MYOM1: variants seen among roughly 807,000 people sequenced by gnomAD.
The protein encoded by MYOM1 is myomesin-1.
Under a neutral mutation model 205.3 loss-of-function variants are expected in MYOM1, and 164 were observed. That is an observed-to-expected ratio of 0.80 (90% confidence interval 0.70 to 0.91). The LOEUF (loss-of-function observed/expected upper bound fraction) is 0.91. MYOM1 is among the 40% of genes least tolerant of loss of function. MYOM1 has a pLI of 0.00. For synonymous variants in MYOM1, 772 were observed against 789.4 expected, an observed-to-expected ratio of 0.98 and a Z score of 0.37; for missense variants, 2,011 against 2,127.3, an observed-to-expected ratio of 0.95 and a Z score of 1.08.
chr18:3,075,260 T>C (rs576373728), intron 36 of MYOM1, among the ~76,000 whole-genome samples, 194 bp downstream of exon 36: 1 of 152,312 alleles, frequency 6.6e-6, no homozygotes, highest in African/African-American at 2.4e-5. Flanking sequence ...CTTTACAATG[T>C]AACCTGAGAC....
chr18:3,085,019 CAGACCCCAGCAGTTGG>C lies in MYOM1; in HGVS notation c.4339+10_4339+25del. ...AAGCTGTATGCAGAAACACACAAGACAGACCCCAGCAGTTGGTGGACTGACCTTCATCCACAAGCTT... is the reference window on the plus strand; with the variant it reads ...AAGCTGTATGCAGAAACACACAAGACTGGACTGACCTTCATCCACAAGCTT... On this transcript the variant is annotated intron_variant, in intron 31 of 37. Transcript: ENST00000356443. 6.4e-7 allele frequency: 1 copy of C among 1,551,874 alleles called. No homozygotes were observed. The highest frequency in any genetic ancestry group is 8.8e-7 in the Non-Finnish European group (1 of 1,135,362).
chr18:3,166,293 C>T (rs932168317), intron 9 of MYOM1, among the ~76,000 whole-genome samples: 6 of 125,930 alleles, frequency 4.8e-5, no homozygotes, highest in South Asian at 2.7e-4. Context: ...TTATTTGAGG[C>T]GGCGTCTCAG....
chr18:3,181,354 A>AT (rs1162454636), intron 5 of MYOM1, among the ~76,000 whole-genome samples: 2 of 152,188 alleles, frequency 1.3e-5, no homozygotes, highest in Non-Finnish European at 2.9e-5. Flanking sequence ...AGAGAGAGAG[A>AT]TCCCATTGGG....
chr18:3,221,580 A>G (rs1230887836), upstream of MYOM1, among the ~76,000 whole-genome samples: 1 of 152,250 alleles, frequency 6.6e-6, no homozygotes, highest in Non-Finnish European at 1.5e-5. Context: ...CTTCATTCAG[A>G]GACATTTGAT....
chr18:3,147,201 A>G (rs918111903), intron 13 of MYOM1, among the ~76,000 whole-genome samples: 5 of 148,862 alleles, frequency 3.4e-5, no homozygotes, highest in Admixed American at 2.0e-4. Context: ...ACTTTTTGTC[A>G]GAGTTTGTGC....
intron 10 of MYOM1, among the ~76,000 whole-genome samples, chr18:3,163,875 C>T (rs1156636989): frequency 6.7e-6 from 1 of 149,896 alleles, no homozygotes; most frequent in Non-Finnish European, 1.5e-5. Context: ...TTTTTTGAGA[C>T]GGGGTCTTGT....
chr18:3,112,222 A>C, intron 22 of MYOM1, 76 bp downstream of exon 22: 1 of 1,172,828 alleles, frequency 8.5e-7, no homozygotes. Flanking sequence ...AATTAGAGGA[A>C]AGCACAGAAA....
rs78699258 is a variant in MYOM1, at chr18:3,149,805, A to G, written c.1844-604T>C. On this transcript the variant is annotated intron_variant, in intron 12 of 37. Transcript: ENST00000356443. ...CCCATAAACATCAGAAAGACAGAGT[A>G]GTTCTACTCTTGCATTAACCAGGGG... 4.9e-3 allele frequency among the ~76,000 whole-genome samples: 742 copies of G among 152,360 alleles called. 5 individuals are homozygous for G. Among genetic ancestry groups the G allele is most frequent in the African/African-American group, 0.017 (706 of 41,582 alleles).
chr18:3,109,373 C>T (rs765582026), intron 22 of MYOM1, among the ~76,000 whole-genome samples: 2 of 152,108 alleles, frequency 1.3e-5, no homozygotes, highest in African/African-American at 4.8e-5. Context: ...CTGAGAAATG[C>T]CTAAAGAGGC....
chr18:3,099,590 C>G (rs2079350977), intron 25 of MYOM1, among the ~76,000 whole-genome samples: 1 of 152,138 alleles, frequency 6.6e-6, no homozygotes, highest in South Asian at 2.1e-4. Flanking sequence ...ACTTCCTTCT[C>G]TTCTCTTAGT....
Position 3,193,693 on chromosome 18 carries a change from C to T in MYOM1, c.431+125G>A, listed in dbSNP as rs567998768. 59 of 985,884 alleles carry T rather than the reference C, an allele frequency of 6.0e-5. No individual in the cohort carries two copies. In the African/African-American group the frequency reaches 9.4e-4, roughly 16 times the overall value. 61.1% of individuals were successfully genotyped at this position (985,884 alleles called of 1,614,324 possible). A position where few individuals can be genotyped will look rare whatever the true frequency, so the allele number is the denominator to read the frequency against. On this transcript the variant is annotated intron_variant, in intron 3 of 37. Coordinates refer to ENST00000356443, the MANE Select transcript of MYOM1 (RefSeq NM_003803.4). Reference sequence around the variant, plus strand: ...TGCTTTTACTATAATCTAACAAGTGCTCAATAAATGTTAGCTGCTATTTCT... The same window carrying T: ...TGCTTTTACTATAATCTAACAAGTGTTCAATAAATGTTAGCTGCTATTTCT...
chr18:3,222,749 A>G (rs749595563), upstream of MYOM1, among the ~76,000 whole-genome samples: 11 of 150,722 alleles, frequency 7.3e-5, no homozygotes, highest in Non-Finnish European at 1.3e-4. Flanking sequence ...AGGCATACAC[A>G]CACAGTTAAA....
chr18:3,183,091 G>C (rs759155264), intron 5 of MYOM1, among the ~76,000 whole-genome samples: 1 of 151,824 alleles, frequency 6.6e-6, no homozygotes, highest in African/African-American at 2.4e-5. Flanking sequence ...CACCACACCC[G>C]GCTAATTTTG....
chr18:3,213,426 G>C (rs998585577), intron 2 of MYOM1, among the ~76,000 whole-genome samples: 1 of 152,174 alleles, frequency 6.6e-6, no homozygotes, highest in Non-Finnish European at 1.5e-5. Context: ...TTTTTCTGTG[G>C]ACTCTAGATA....
In MYOM1 at chr18:3,104,754, T is replaced by TC. The variant is rs1204617128; in HGVS notation, c.3419-2125_3419-2124insG. On this transcript the variant is annotated intron_variant, in intron 22 of 37. Coordinates refer to ENST00000356443, the MANE Select transcript of MYOM1 (RefSeq NM_003803.4). ...ACCAGGGAATTGGAATCTTTTTTTT[T>TC]TTTTTTTTTTTTTTTTGAGACAGGG... 3.6e-5 allele frequency among the ~76,000 whole-genome samples: 5 copies of TC among 138,824 alleles called. No individual in the cohort carries two copies. In the East Asian group the frequency reaches 8.3e-4, roughly 23 times the overall value. 91.1% of individuals were successfully genotyped at this position (138,824 alleles called of 152,430 possible).
Position 3,067,251 on chromosome 18 carries a change from C to G in MYOM1, c.*11G>C. 1 of 1,579,624 alleles carries G rather than the reference C, an allele frequency of 6.3e-7. No individual in the cohort carries two copies. The highest frequency in any genetic ancestry group is 1.1e-5 in the South Asian group (1 of 87,092). ...GTCACACAGGCCGGCTGGCTCTCCT[C>G]GCACCTCCGGTCACTTGGCCTTCTT... is the stretch of plus-strand genomic sequence containing the variant. On this transcript the variant is annotated 3_prime_UTR_variant, in exon 38 of 38. Coordinates refer to ENST00000356443, the MANE Select transcript of MYOM1 (RefSeq NM_003803.4).
intron 19 of MYOM1, among the ~76,000 whole-genome samples, chr18:3,121,207 A>C (rs2079686149): frequency 6.6e-6 from 1 of 152,124 alleles, no homozygotes; most frequent in African/African-American, 2.4e-5. Flanking sequence ...ATGAGGGAGA[A>C]ACAATATTTT....
At chr18:3,099,089 G>A (rs1281059107) in intron 25 of MYOM1, among the ~76,000 whole-genome samples, 1 of 152,204 alleles carries the variant, frequency 6.6e-6, no homozygotes, top group Non-Finnish European at 1.5e-5. Context: ...AAAGTGCTGG[G>A]AGTACAGGTG....
chr18:3,210,652 C>T (rs928886742), intron 2 of MYOM1, among the ~76,000 whole-genome samples: 18 of 152,100 alleles, frequency 1.2e-4, no homozygotes, highest in African/African-American at 4.1e-4. Flanking sequence ...TTTTGGTATT[C>T]AATAGCTTCT....
Sources: gnomAD v4.1 joint callset for allele counts (sites outside exome capture counted in the v4.1 genomes callset) on GRCh38, gnomAD v4.1.1 for gene constraint, MANE v1.5 for transcripts, NCBI Gene and HGNC (gene_info 2026-07-23, HGNC 2026-07-21) for gene names.